ARAP2: variants seen among roughly 807,000 people sequenced by gnomAD.
ARAP2 encodes the protein ArfGAP with RhoGAP domain, ankyrin repeat and PH domain 2, also known as arf-GAP with Rho-GAP domain, ANK repeat and PH domain-containing protein 2.
A neutral mutation model predicts 194.5 loss-of-function variants in ARAP2; 148 were observed. The ratio of observed to expected loss-of-function variants is 0.76; its 90% CI spans 0.67 to 0.87. The LOEUF (loss-of-function observed/expected upper bound fraction) is 0.87. Among genes scored for constraint, ARAP2 ranks in the 40% least tolerant of loss-of-function variants. The probability of loss-of-function intolerance (pLI) is 0.00; values close to 1 mark genes in which losing one functional copy is unlikely to be tolerated. For missense variants in ARAP2, 2,128 were observed against 1,989.7 expected, an observed-to-expected ratio of 1.07 and a Z score of -1.32; for synonymous variants, 695 against 683.5, an observed-to-expected ratio of 1.02 and a Z score of -0.26.
intron 5 of ARAP2, among the ~76,000 whole-genome samples, chr4:36,033,564 C>T (rs1719376089): frequency 6.8e-6 from 1 of 146,818 alleles, no homozygotes; most frequent in South Asian, 2.4e-4. Context: ...ATCAGATGCA[C>T]AGCTTGCAAA....
intron 9 of ARAP2, among the ~76,000 whole-genome samples, chr4:36,007,407 A>G (rs1577506024): frequency 6.6e-6 from 1 of 152,310 alleles, no homozygotes; most frequent in East Asian, 1.9e-4. Context: ...ACAGAGAGAG[A>G]AGGAAGAAGA....
Position 36,067,461 on chromosome 4 carries a change from TAG to T in ARAP2, c.*444_*445del, listed in dbSNP as rs1725743647. ...TTACTTCCCTTTCTTTTCCCTAAGG[TAG>T]AACTTCTGTAAACCTAAAAACATAT... On this transcript the variant is annotated 3_prime_UTR_variant, in exon 33 of 33. Transcript: ENST00000303965. The T allele has an allele frequency of 6.5e-6, 1 of 152,774 alleles. No individual in the cohort carries two copies. The highest frequency in any genetic ancestry group is 6.5e-5 in the Admixed American group (1 of 15,282). 9.5% of individuals were successfully genotyped at this position (152,774 alleles called of 1,614,324 possible).
At chr4:36,189,809 CT>C (rs1344270363) in intron 7 of ARAP2, among the ~76,000 whole-genome samples, 1 of 152,188 alleles carries the variant, frequency 6.6e-6, no homozygotes, top group African/African-American at 2.4e-5. Flanking sequence ...CATCAGTAGT[CT>C]ATGTAACTGT....
chr4:36,077,510 G>A (rs1305419946), intron 31 of ARAP2, among the ~76,000 whole-genome samples: 1 of 151,756 alleles, frequency 6.6e-6, no homozygotes, highest in Non-Finnish European at 1.5e-5. Context: ...GGAACTCTAG[G>A]GTATATACCA....
intron 9 of ARAP2, among the ~76,000 whole-genome samples, chr4:36,167,554 A>G (rs771122499): frequency 6.6e-6 from 1 of 152,114 alleles, no homozygotes; most frequent in Non-Finnish European, 1.5e-5. Context: ...TTGTTTTACT[A>G]TCTTAGATTA....
rs1750951500 is a variant in ARAP2 at position 36,229,176 on chromosome 4, A to G, written c.311T>C (p.Ile104Thr). Residue 104 changes from isoleucine (I) to threonine (T), a missense_variant, in exon 2 of 33, where the codon ATA (isoleucine) becomes ACA (threonine). Ile to Thr is a moderately conservative substitution (Grantham distance 89, BLOSUM62 -1). Transcript: ENST00000303965. Reference sequence around the variant, plus strand: ...AACACTACCAGAATTGGAAAGTTCTATGCAGATATTCTGATCAGAAGATGG... The same window carrying G: ...AACACTACCAGAATTGGAAAGTTCTGTGCAGATATTCTGATCAGAAGATGG... ...HVPSSDQNIC[I>T]ELSNSGSVQT... 1.2e-6 allele frequency: 2 copies of G among 1,614,164 alleles called. No homozygotes were observed. Among genetic ancestry groups the G allele is most frequent in the Non-Finnish European group, 1.7e-6 (2 of 1,180,006 alleles).
rs1560724242 is a variant in ARAP2 at position 36,229,330 on chromosome 4, G to C, written c.157C>G (p.Pro53Ala). 1.9e-6 allele frequency: 3 copies of C among 1,614,048 alleles called. No individual in the cohort carries two copies. Among genetic ancestry groups the C allele is most frequent in the Non-Finnish European group, 2.5e-6 (3 of 1,179,986 alleles). ...DSLLQKIGIS[P>A]TGHRRRILKQ... is the part of the protein sequence containing the mutation. ...AGTATCCTCCTACGGTGACCTGTAGGTGATATTCCAATTTTCTGCAGCAGG... is the reference window on the plus strand; with the variant it reads ...AGTATCCTCCTACGGTGACCTGTAGCTGATATTCCAATTTTCTGCAGCAGG... Residue 53 changes from proline (P) to alanine (A), a missense_variant, in exon 2 of 33, where the codon CCT becomes GCT. Pro to Ala is a conservative substitution (Grantham distance 27). Coordinates refer to ENST00000303965, the MANE Select transcript of ARAP2 (RefSeq NM_015230.4).
chr4:36,102,475 A>G (rs541648803), intron 27 of ARAP2, among the ~76,000 whole-genome samples: 1 of 152,008 alleles, frequency 6.6e-6, no homozygotes, highest in Admixed American at 6.6e-5. Flanking sequence ...TATATTTTTA[A>G]AGTTTATTCA....
chr4:36,110,085 C>T (rs1320368886), intron 26 of ARAP2, among the ~76,000 whole-genome samples: 2 of 151,868 alleles, frequency 1.3e-5, no homozygotes, highest in Non-Finnish European at 2.9e-5. Flanking sequence ...CCTTGCCTCA[C>T]ATCACATGGC....
At chr4:36,043,474 A>T (rs1261833544) in intron 5 of ARAP2, among the ~76,000 whole-genome samples, 3 of 152,146 alleles carry the variant, frequency 2.0e-5, no homozygotes, top group African/African-American at 7.2e-5. Context: ...TAGTTAGCCA[A>T]CGGTGTTTGG....
chr4:36,052,447 C>G (rs1283434205), intron 2 of ARAP2, among the ~76,000 whole-genome samples: 3 of 152,182 alleles, frequency 2.0e-5, no homozygotes, highest in Admixed American at 6.5e-5. Flanking sequence ...GTATTATGAA[C>G]AGTAGCTACA....
chr4:36,144,059 C>A (rs1729001828), intron 19 of ARAP2, among the ~76,000 whole-genome samples: 1 of 151,732 alleles, frequency 6.6e-6, no homozygotes, highest in Non-Finnish European at 1.5e-5. Flanking sequence ...GGACTGCATG[C>A]AGTAAGCACT....
At chr4:36,106,748 A>G in intron 27 of ARAP2, among the ~76,000 whole-genome samples, 1 of 152,036 alleles carries the variant, frequency 6.6e-6, no homozygotes, top group Non-Finnish European at 1.5e-5. Flanking sequence ...AAAATTCAAA[A>G]GGTAATATAA....
In ARAP2 at chr4:36,091,892, T is replaced by G. The variant is rs747756975; in HGVS notation, c.4414A>C (p.Lys1472Gln). Residue 1472 changes from lysine to glutamine, a missense_variant, in exon 28 of 33, where the codon AAG becomes CAG. By Grantham distance (53) the Lys-to-Gln change is moderately conservative. Coordinates refer to ENST00000303965, the MANE Select transcript of ARAP2 (RefSeq NM_015230.4). ...TTCAAATACTATACCTTCACATCCT[T>G]GTAAAGAAAGAGAAACCCATCTCGT... ...VLRDGFLFLY[K>Q]DVKSSKHDKM... The G allele has an allele frequency of 1.2e-6, 2 of 1,603,968 alleles. No individual in the cohort carries two copies. The highest frequency in any genetic ancestry group is 1.7e-6 in the Non-Finnish European group (2 of 1,172,652).
At chr4:36,194,910 G>A (rs544014282) in intron 6 of ARAP2, among the ~76,000 whole-genome samples, 4 of 152,030 alleles carry the variant, frequency 2.6e-5, no homozygotes, top group African/African-American at 4.8e-5. Context: ...TTGGCCAGGC[G>A]TGGTGGCTCA....
At chr4:36,143,512 G>T (rs1409992997) in intron 19 of ARAP2, among the ~76,000 whole-genome samples, 1 of 151,470 alleles carries the variant, frequency 6.6e-6, no homozygotes, top group Non-Finnish European at 1.5e-5. Flanking sequence ...ACTTCAAAAT[G>T]AATTATTTTC....
Position 36,156,317 on chromosome 4 carries a change from AAGGG to A in ARAP2, c.2752+2409_2752+2412del, listed in dbSNP as rs1370640800. ...GAAAGAAGGAAAGAAGGAAGGAAGG[AAGGG>A]AGGGAGGGAGGGAGGGAAAGAGAGA... On this transcript the variant is annotated intron_variant, in intron 15 of 32. Transcript: ENST00000303965. 1.6e-4 allele frequency among the ~76,000 whole-genome samples: 18 copies of A among 112,466 alleles called. No homozygotes were observed. In the South Asian group the frequency reaches 2.9e-3, roughly 18 times the overall value. 73.8% of individuals were successfully genotyped at this position (112,466 alleles called of 152,430 possible).
At chr4:36,110,595 T>A (rs1435929917) in intron 26 of ARAP2, among the ~76,000 whole-genome samples, 1 of 151,936 alleles carries the variant, frequency 6.6e-6, no homozygotes, top group Non-Finnish European at 1.5e-5. Context: ...GATGACTGGC[T>A]CTTATGGAAG....
At chr4:36,073,141 T>C (rs1269652651) in intron 32 of ARAP2, among the ~76,000 whole-genome samples, 3 of 152,102 alleles carry the variant, frequency 2.0e-5, no homozygotes, top group South Asian at 2.1e-4. Flanking sequence ...CATGTCAAGA[T>C]TGATGCCGCT....
Sources: gnomAD v4.1 joint callset for allele counts (sites outside exome capture counted in the v4.1 genomes callset) on GRCh38, gnomAD v4.1.1 for gene constraint, MANE v1.5 for transcripts, NCBI Gene and HGNC (gene_info 2026-07-23, HGNC 2026-07-21) for gene names.